The following POLR3B variants were observed in gnomAD, a reference collection of about 807,000 sequenced individuals.
POLR3B encodes DNA-directed RNA polymerase III subunit RPC2.
Under a neutral mutation model 147.4 loss-of-function variants are expected in POLR3B, and 96 were observed. That is an observed-to-expected ratio of 0.65 (90% confidence interval 0.55 to 0.77). POLR3B has a LOEUF of 0.77. Among genes scored for constraint, POLR3B ranks in the 30% least tolerant of loss-of-function variants. The probability of loss-of-function intolerance (pLI) is 0.00; values close to 1 mark genes in which losing one functional copy is unlikely to be tolerated. For synonymous variants in POLR3B, 461 were observed against 485.9 expected (o/e 0.95, Z 0.67); for missense variants, 1,036 against 1,413.5 (o/e 0.73, Z 4.28).
At chr12:106,361,391 T>C (rs1592997119) in intron 1 of POLR3B, among the ~76,000 whole-genome samples, 1 of 152,104 alleles carries the variant, frequency 6.6e-6, no homozygotes, top group African/African-American at 2.4e-5. Flanking sequence ...GTGATATTCA[T>C]TGAGATTGAG....
At chr12:106,402,797 C>A (rs1306079187) in intron 10 of POLR3B, among the ~76,000 whole-genome samples, 2 of 152,142 alleles carry the variant, frequency 1.3e-5, no homozygotes, top group African/African-American at 4.8e-5. Context: ...ACACCTTATA[C>A]AAAAATTAAT....
In POLR3B at chr12:106,427,330, C is replaced by A; in HGVS notation, c.1235C>A (p.Thr412Asn). ...VVKHMRQDQI[T>N]NGMVNAISTG... ...AAACACATGCGCCAAGACCAGATCACCAATGGCATGGTGAATGCTATTTCT... is the reference window on the plus strand; with the variant it reads ...AAACACATGCGCCAAGACCAGATCAACAATGGCATGGTGAATGCTATTTCT... Residue 412 changes from threonine to asparagine, a missense_variant, in exon 13 of 28, where the codon ACC becomes AAC. Thr to Asn is a moderately conservative substitution (Grantham distance 65, BLOSUM62 0). Coordinates refer to ENST00000228347, the MANE Select transcript of POLR3B (RefSeq NM_018082.6). 6.2e-7 allele frequency: 1 copy of A among 1,613,720 alleles called. No individual in the cohort carries two copies. Among genetic ancestry groups the A allele is most frequent in the Non-Finnish European group, 8.5e-7 (1 of 1,179,772 alleles).
chr12:106,406,081 G>C, intron 11 of POLR3B, 105 bp downstream of exon 11: 1 of 1,268,864 alleles, frequency 7.9e-7, no homozygotes, highest in Non-Finnish European at 1.1e-6. Flanking sequence ...TTCCTCAAGA[G>C]AAAATTCTAA....
chr12:106,504,150 C>T lies in POLR3B; in HGVS notation c.3168C>T (p.Ile1056=), dbSNP rs139920513. The change falls in exon 27 of 28, where the codon ATC becomes ATT. Residue 1056 remains isoleucine, a synonymous_variant. Coordinates refer to ENST00000228347, the MANE Select transcript of POLR3B (RefSeq NM_018082.6). This position sits in a 1 kb window ranked among gnomAD's most constrained non-coding sequence, Gnocchi z 4.6. The part of the protein sequence containing the change: ...RLGEMERDCL[I]GYGASMLLLE... ...GGGAAATGGAACGTGACTGTTTAAT[C>T]GGTTATGGAGCCAGTATGCTTTTGC... The T allele has an allele frequency of 3.6e-5, 58 of 1,613,872 alleles. No individual in the cohort carries two copies. The African/African-American group carries it at 4.8e-4, about 13-fold the overall frequency.
intron 9 of POLR3B, among the ~76,000 whole-genome samples, chr12:106,381,777 A>G (rs1322295227): frequency 6.6e-6 from 1 of 152,266 alleles, no homozygotes; most frequent in Non-Finnish European, 1.5e-5. Context: ...ATAAGAAAGT[A>G]AAGAAACAAA....
intron 9 of POLR3B, among the ~76,000 whole-genome samples, chr12:106,389,944 C>T (rs546376897): frequency 2.0e-5 from 3 of 152,250 alleles, no homozygotes; most frequent in South Asian, 2.1e-4. Context: ...TTTGGCCAGG[C>T]GTGGTGACTT....
intron 5 of POLR3B, 96 bp downstream of exon 5, chr12:106,369,446 G>T (rs545200463): frequency 2.3e-5 from 22 of 950,774 alleles, no homozygotes; most frequent in Middle Eastern, 2.1e-4. Flanking sequence ...AATGGGATGG[G>T]GGGGGACATT....
rs113553624 is a variant in POLR3B at position 106,365,808 on chromosome 12, G to A, written c.106-708G>A. ...AGGGAGGCGGACGTTGCAGTGAGCCGAGATCGCACCACTGTACTCCAGCCT... is the reference window on the plus strand; with the variant it reads ...AGGGAGGCGGACGTTGCAGTGAGCCAAGATCGCACCACTGTACTCCAGCCT... On this transcript the variant is annotated intron_variant, in intron 2 of 27. Coordinates refer to ENST00000228347, the MANE Select transcript of POLR3B (RefSeq NM_018082.6). Among the ~76,000 whole-genome samples, 569 of 151,346 alleles carry A rather than the reference G, an allele frequency of 3.8e-3. 4 individuals are homozygous for A. The highest frequency in any genetic ancestry group is 0.013 in the African/African-American group (529 of 41,232).
intron 23 of POLR3B, among the ~76,000 whole-genome samples, chr12:106,477,674 T>C (rs1314621469): frequency 6.6e-6 from 1 of 152,098 alleles, no homozygotes; most frequent in African/African-American, 2.4e-5. Context: ...GGGAACTCCC[T>C]GACCCCTTGT....
intron 11 of POLR3B, among the ~76,000 whole-genome samples, chr12:106,408,023 G>A (rs1179688325): frequency 6.6e-6 from 1 of 152,100 alleles, no homozygotes; most frequent in East Asian, 1.9e-4. Context: ...CAGTGATACA[G>A]GGTCATTTTT....
intron 6 of POLR3B, among the ~76,000 whole-genome samples, chr12:106,373,991 T>C (rs2036643880): frequency 6.7e-6 from 1 of 149,478 alleles, no homozygotes; most frequent in Non-Finnish European, 1.5e-5. Flanking sequence ...TAATGGAAGA[T>C]TTTTTTTTTC....
intron 23 of POLR3B, among the ~76,000 whole-genome samples, chr12:106,480,624 G>A (rs973303927): frequency 2.6e-5 from 4 of 152,216 alleles, no homozygotes; most frequent in Non-Finnish European, 4.4e-5. Flanking sequence ...ACTCAGGTAA[G>A]GGTTAGGGGA....
At chr12:106,427,778 C>T (rs1171218302) in intron 13 of POLR3B, among the ~76,000 whole-genome samples, 1 of 152,148 alleles carries the variant, frequency 6.6e-6, no homozygotes, top group Non-Finnish European at 1.5e-5. Context: ...AGCTGTTCCT[C>T]ACATAAGCAA....
In POLR3B at chr12:106,436,211, G is replaced by A. The variant is rs537909944; in HGVS notation, c.1782-846G>A. 5.9e-5 allele frequency among the ~76,000 whole-genome samples: 9 copies of A among 152,278 alleles called. No individual in the cohort carries two copies. The South Asian group carries it at 1.9e-3, about 32-fold the overall frequency. On this transcript the variant is annotated intron_variant, in intron 16 of 27. Coordinates refer to ENST00000228347, the MANE Select transcript of POLR3B (RefSeq NM_018082.6). ...CTCAAATAGTTATTTGGACTTTAGG[G>A]TAGAGCGCACAAGTGTCTGGTGGTT... is the stretch of plus-strand genomic sequence containing the variant.
chr12:106,481,441 G>C (rs185696166), intron 23 of POLR3B, among the ~76,000 whole-genome samples: 1 of 152,156 alleles, frequency 6.6e-6, no homozygotes, highest in Admixed American at 6.5e-5. Context: ...CGCTCCTCAC[G>C]CTGCCTTTTG....
chr12:106,369,436 A>G, intron 5 of POLR3B, 86 bp downstream of exon 5: 2 of 972,116 alleles, frequency 2.1e-6, no homozygotes, highest in South Asian at 2.6e-5. Context: ...ATCATTTAAA[A>G]ATGGGATGGG....
intron 1 of POLR3B, 82 bp downstream of exon 1, chr12:106,358,033 G>C: frequency 2.5e-6 from 4 of 1,572,830 alleles, no homozygotes; most frequent in South Asian, 2.3e-5. Context: ...GGCCGCCAAG[G>C]GGGCGGGCTG....
rs542395499 is a variant in POLR3B at position 106,373,631 on chromosome 12, G to A, written c.405-2728G>A. Reference sequence around the variant, plus strand: ...TAACTGGGTGTGGTGGTACATATCTGTAATCCCAGCTACTTGAGAGACTGA... The same window carrying A: ...TAACTGGGTGTGGTGGTACATATCTATAATCCCAGCTACTTGAGAGACTGA... On this transcript the variant is annotated intron_variant, in intron 6 of 27. Transcript: ENST00000228347. 5.5e-4 allele frequency among the ~76,000 whole-genome samples: 84 copies of A among 152,126 alleles called. 1 individual carries two copies. In the South Asian group the frequency reaches 0.011, roughly 19 times the overall value.
chr12:106,417,484 T>C (rs1303333111), intron 12 of POLR3B, among the ~76,000 whole-genome samples: 2 of 152,036 alleles, frequency 1.3e-5, no homozygotes, highest in African/African-American at 4.8e-5. Flanking sequence ...GATTTTTAGT[T>C]TAGAAAGATC....
Sources: allele counts gnomAD v4.1 joint callset (sites outside exome capture counted in the v4.1 genomes callset), GRCh38; gene constraint gnomAD v4.1.1; non-coding constraint Gnocchi (gnomAD v3.1); transcripts MANE v1.5; gene names NCBI Gene and HGNC (gene_info 2026-07-23, HGNC 2026-07-21).